The following ZYG11B variants were observed in gnomAD, a reference collection of about 807,000 sequenced individuals.
ZYG11B encodes the protein protein zyg-11 homolog B.
Under a neutral mutation model 82.4 loss-of-function variants are expected in ZYG11B, and 36 were observed. The observed-to-expected ratio is 0.44, with a 90% CI of 0.33 to 0.58. The LOEUF (loss-of-function observed/expected upper bound fraction) is 0.58. Among genes scored for constraint, ZYG11B ranks in the 20% least tolerant of loss-of-function variants. The probability of loss-of-function intolerance (pLI) is 0.02; values close to 1 mark genes in which losing one functional copy is unlikely to be tolerated. For missense variants in ZYG11B, 552 were observed against 895.6 expected (o/e 0.62, Z 4.90); for synonymous variants, 303 against 312.8 (o/e 0.97, Z 0.33).
chr1:52,803,099 C>T (rs12726099), intron 10 of ZYG11B, among the ~76,000 whole-genome samples: 3,866 of 10,562 alleles, frequency 0.37, 407 homozygotes, highest in Non-Finnish European at 0.38. Context: ...TATATATATA[C>T]ATATATATAT....
chr1:52,778,249 C>T (rs1225520829), intron 3 of ZYG11B, among the ~76,000 whole-genome samples: 4 of 152,038 alleles, frequency 2.6e-5, no homozygotes, highest in African/African-American at 7.2e-5. Flanking sequence ...AATAATCTAT[C>T]GTTTGGATTT....
In ZYG11B at chr1:52,771,361, G is replaced by T. The variant is rs771225302; in HGVS notation, c.538G>T (p.Ala180Ser). The T allele has an allele frequency of 5.0e-6, 8 of 1,614,038 alleles. No individual in the cohort carries two copies. The highest frequency in any genetic ancestry group is 6.8e-6 in the Non-Finnish European group (8 of 1,180,054). Residue 180 changes from alanine to serine, a missense_variant, in exon 3 of 14, where the codon GCT (alanine) becomes TCT (serine). This residue lies in a region of ZYG11B where 359 missense variants were observed against 555.8 expected (regional missense o/e 0.65). Coordinates refer to ENST00000294353, the MANE Select transcript of ZYG11B (RefSeq NM_024646.3). This position sits in a 1 kb window ranked among gnomAD's most constrained non-coding sequence, Gnocchi z 5.4. The stretch of plus-strand genomic sequence containing the variant: ...TGTTCTCTTTTACAATGAAGACCTG[G>T]CTGAAGTTGCCTCATTGCCAAGATT... The part of the protein sequence containing the change: ...TNVLFYNEDL[A>S]EVASLPRLES...
At chr1:52,796,473 C>A in intron 7 of ZYG11B, 82 bp downstream of exon 7, 2 of 1,193,436 alleles carry the variant, frequency 1.7e-6, no homozygotes, top group South Asian at 2.7e-5. Flanking sequence ...AGCTGTGTGC[C>A]AGAAACATTA....
intron 2 of ZYG11B, among the ~76,000 whole-genome samples, chr1:52,770,147 A>C (rs2149937747): frequency 6.9e-6 from 1 of 145,404 alleles, no homozygotes; most frequent in East Asian, 2.0e-4. Context: ...GCTGGTGTGC[A>C]ATGGTGCAAT....
rs529759263 is a variant in ZYG11B, at chr1:52,786,959, G to A, written c.1269+1906G>A. Among the ~76,000 whole-genome samples the A allele has an allele frequency of 1.6e-4, 25 of 152,116 alleles. No homozygotes were observed. In the Middle Eastern group the frequency reaches 0.01, roughly 62 times the overall value. ...TACAATATTAGCTGGGCGTGGTGGC[G>A]CATGCTTATAATCCCAGCTACTCGG... On this transcript the variant is annotated intron_variant, in intron 5 of 13. Transcript: ENST00000294353.
intron 1 of ZYG11B, among the ~76,000 whole-genome samples, chr1:52,736,545 CA>C (rs1644380112): frequency 1.3e-5 from 2 of 152,042 alleles, no homozygotes; most frequent in South Asian, 4.2e-4. Context: ...CTCGGCCTCC[CA>C]GGTTCAAGCA....
At chr1:52,737,214 CT>C (rs1446209094) in intron 1 of ZYG11B, among the ~76,000 whole-genome samples, 1 of 152,142 alleles carries the variant, frequency 6.6e-6, no homozygotes, top group Non-Finnish European at 1.5e-5. Flanking sequence ...TCAAGTGTCC[CT>C]TTATGCCCTA....
rs138923947 is a variant in ZYG11B, at chr1:52,782,015, CAG to C, written c.1092+2026_1092+2027del. On this transcript the variant is annotated intron_variant, in intron 4 of 13. Transcript: ENST00000294353. ...GATCTGAAATATTCATTCAGACATT[CAG>C]AGAATGATTCAGAGATAAATGGAAG... Among the ~76,000 whole-genome samples the C allele has an allele frequency of 4.8e-3, 733 of 151,936 alleles. 7 individuals carry two copies. The highest frequency in any genetic ancestry group is 0.017 in the African/African-American group (708 of 41,418).
chr1:52,787,798 TAA>T (rs34726355), intron 5 of ZYG11B, among the ~76,000 whole-genome samples: 121 of 148,662 alleles, frequency 8.1e-4, no homozygotes, highest in East Asian at 2.3e-3. Flanking sequence ...ACAACTCAAT[TAA>T]AAAAAAAAAA....
Position 52,823,800 on chromosome 1 carries a change from C to G in ZYG11B, c.*2171C>G, listed in dbSNP as rs189812421. ...CAGAAAACAGTAAATCCCTTCTTTA[C>G]TCAGAATAACTTCTTAATAGTTGAA... On this transcript the variant is annotated 3_prime_UTR_variant, in exon 14 of 14. Coordinates refer to ENST00000294353, the MANE Select transcript of ZYG11B (RefSeq NM_024646.3). 2.0e-5 allele frequency: 3 copies of G among 152,272 alleles called. No homozygotes were observed. The highest frequency in any genetic ancestry group is 2.0e-4 in the Admixed American group (3 of 15,282). The allele number at this position is 152,272 out of a possible 1,614,324, so 9.4% of individuals were successfully genotyped here.
At chr1:52,817,729 C>G (rs1645237660) in intron 13 of ZYG11B, among the ~76,000 whole-genome samples, 2 of 124,294 alleles carry the variant, frequency 1.6e-5, no homozygotes, top group African/African-American at 2.9e-5. Flanking sequence ...TGATTTGACA[C>G]AAGAAATACA....
At chr1:52,801,209 A>G (rs941458621) in intron 8 of ZYG11B, among the ~76,000 whole-genome samples, 5 of 152,168 alleles carry the variant, frequency 3.3e-5, no homozygotes, top group African/African-American at 1.2e-4. Flanking sequence ...ATCTGCTCTC[A>G]GGGAAGGCTG....
At chr1:52,781,084 C>T (rs1440250841) in intron 4 of ZYG11B, among the ~76,000 whole-genome samples, 3 of 151,986 alleles carry the variant, frequency 2.0e-5, no homozygotes, top group Admixed American at 6.6e-5. Context: ...TACAGTGAGC[C>T]GAGATCGTGC....
chr1:52,763,764 A>C (rs79745097), intron 2 of ZYG11B, among the ~76,000 whole-genome samples: 4,013 of 152,342 alleles, frequency 0.026, 139 homozygotes, highest in East Asian at 0.17. Flanking sequence ...GCTAGAAATC[A>C]GAGTGAGAAT....
At chr1:52,775,327 C>T (rs1203168040) in intron 3 of ZYG11B, among the ~76,000 whole-genome samples, 2 of 152,126 alleles carry the variant, frequency 1.3e-5, no homozygotes, top group East Asian at 1.9e-4. Flanking sequence ...CGTGGTGGCT[C>T]ATGCCTTTAA....
chr1:52,779,159 G>A (rs562134379), intron 3 of ZYG11B, among the ~76,000 whole-genome samples: 3 of 152,140 alleles, frequency 2.0e-5, no homozygotes, highest in African/African-American at 7.2e-5. Flanking sequence ...GTGGTCCTTT[G>A]CTGAGAAAAA....
intron 8 of ZYG11B, among the ~76,000 whole-genome samples, chr1:52,797,468 T>TATTATATATGATATATAATATAGTAA (rs1553262205): frequency 9.0e-6 from 1 of 110,562 alleles, no homozygotes; most frequent in Non-Finnish European, 1.7e-5. Flanking sequence ...ATGATATATA[T>TATTATATATGATATATAATATAGTAA]ATTATATATG....
At chr1:52,769,730 G>A (rs561526878) in intron 2 of ZYG11B, among the ~76,000 whole-genome samples, 1 of 152,276 alleles carries the variant, frequency 6.6e-6, no homozygotes, top group Non-Finnish European at 1.5e-5. Context: ...TCTAATTTAA[G>A]GGTGACTGGC....
At chr1:52,753,109 C>A (rs1397035982) in intron 1 of ZYG11B, among the ~76,000 whole-genome samples, 8 of 152,056 alleles carry the variant, frequency 5.3e-5, no homozygotes, top group Admixed American at 4.6e-4. Flanking sequence ...GCCTCCCAAA[C>A]TTCTAGGATT....
Sources: allele counts gnomAD v4.1 joint callset (sites outside exome capture counted in the v4.1 genomes callset), GRCh38; gene constraint gnomAD v4.1.1; regional missense constraint gnomAD v4.1.1; non-coding constraint Gnocchi (gnomAD v3.1); transcripts MANE v1.5; gene names NCBI Gene and HGNC (gene_info 2026-07-23, HGNC 2026-07-21).